The following GRM7 variants were observed in gnomAD, a reference collection of about 807,000 sequenced individuals.
GRM7 encodes metabotropic glutamate receptor 7.
In GRM7, 35 loss-of-function variants were observed where a neutral mutation model predicts 84.5. The observed-to-expected ratio is 0.41, with a 90% CI of 0.32 to 0.55. The LOEUF is 0.55. Ranked by LOEUF, GRM7 falls within the 20% of genes least tolerant of loss-of-function variation. GRM7 has a pLI of 0.19. For synonymous variants in GRM7, 487 were observed against 455.1 expected (o/e 1.07, Z -0.89); for missense variants, 1,003 against 1,194.6 (o/e 0.84, Z 2.36).
intron 1 of GRM7, among the ~76,000 whole-genome samples, chr3:7,118,295 G>A (rs1387016718): frequency 6.6e-6 from 1 of 151,840 alleles, no homozygotes; most frequent in Admixed American, 6.6e-5. Flanking sequence ...GGAGGCTGAG[G>A]TAGGAAGATC....
At chr3:7,093,716 GT>G (rs1409457349) in intron 1 of GRM7, among the ~76,000 whole-genome samples, 19 of 12,728 alleles carry the variant, frequency 1.5e-3, no homozygotes, top group Admixed American at 1.7e-3. Context: ...AAAAAAAAAG[GT>G]AGTTAGTGGC....
intron 2 of GRM7, among the ~76,000 whole-genome samples, chr3:7,175,058 G>C (rs1695100936): frequency 6.6e-6 from 1 of 152,142 alleles, no homozygotes; most frequent in Non-Finnish European, 1.5e-5. Context: ...ACTCCATTGA[G>C]GGCAATAGAA....
intron 7 of GRM7, among the ~76,000 whole-genome samples, chr3:7,564,105 A>T (rs966307452): frequency 7.2e-5 from 11 of 152,202 alleles, no homozygotes; most frequent in Admixed American, 2.0e-4. Context: ...GATGGTCATC[A>T]CTGGGGACAA....
chr3:7,722,183 C>T (rs1287268069), intron 9 of GRM7, among the ~76,000 whole-genome samples: 2 of 152,158 alleles, frequency 1.3e-5, no homozygotes, highest in East Asian at 1.9e-4. Flanking sequence ...CTTGAAAACA[C>T]GTATCAGTGT....
chr3:7,122,108 C>T (rs760134837), intron 1 of GRM7, among the ~76,000 whole-genome samples: 1 of 152,126 alleles, frequency 6.6e-6, no homozygotes, highest in Non-Finnish European at 1.5e-5. Flanking sequence ...TATAAATTAC[C>T]CAGTCTGTGG....
intron 4 of GRM7, among the ~76,000 whole-genome samples, chr3:7,410,653 C>CA (rs199775636): frequency 1.6e-3 from 235 of 145,478 alleles, no homozygotes; most frequent in African/African-American, 5.7e-3. Context: ...AAAACCACCA[C>CA]CACCACACAC....
chr3:7,461,930 T>C (rs1348680968), intron 7 of GRM7, among the ~76,000 whole-genome samples: 2 of 152,178 alleles, frequency 1.3e-5, no homozygotes, highest in Non-Finnish European at 2.9e-5. Context: ...TTGTGCATTA[T>C]ATTCATGACC....
chr3:7,323,522 A>G (rs1700866333), intron 4 of GRM7, among the ~76,000 whole-genome samples: 1 of 152,174 alleles, frequency 6.6e-6, no homozygotes, highest in Non-Finnish European at 1.5e-5. Flanking sequence ...ATATGATATC[A>G]TCAATATAGT....
At chr3:7,339,069 A>G (rs1338987297) in intron 4 of GRM7, among the ~76,000 whole-genome samples, 3 of 152,122 alleles carry the variant, frequency 2.0e-5, no homozygotes, top group Non-Finnish European at 4.4e-5. Context: ...ATATTTAGCA[A>G]TAGTTTGATA....
At chr3:7,668,109 G>C (rs1294732368) in intron 8 of GRM7, among the ~76,000 whole-genome samples, 1 of 152,218 alleles carries the variant, frequency 6.6e-6, no homozygotes, top group Non-Finnish European at 1.5e-5. Flanking sequence ...AGATGGGTTA[G>C]AGAAAATGTA....
intron 2 of GRM7, among the ~76,000 whole-genome samples, chr3:7,284,285 C>CGT (rs138776968): frequency 0.075 from 9,837 of 130,820 alleles, 347 homozygotes; most frequent in Middle Eastern, 0.13. Context: ...CATGCTCACT[C>CGT]GTGTGTGTGT....
intron 7 of GRM7, among the ~76,000 whole-genome samples, chr3:7,551,862 G>T (rs147583202): frequency 3.3e-4 from 51 of 152,280 alleles, no homozygotes; most frequent in African/African-American, 1.2e-3. Context: ...ATTAAGGAAA[G>T]AAGTTTAATT....
chr3:7,443,827 A>C (rs1380364643), intron 5 of GRM7, among the ~76,000 whole-genome samples: 2 of 152,186 alleles, frequency 1.3e-5, no homozygotes, highest in African/African-American at 4.8e-5. Flanking sequence ...GGACTATTCT[A>C]GGGGCAAGAC....
At chr3:7,652,511 T>TGTCA (rs1260421122) in intron 8 of GRM7, among the ~76,000 whole-genome samples, 1 of 152,188 alleles carries the variant, frequency 6.6e-6, no homozygotes, top group Non-Finnish European at 1.5e-5. Flanking sequence ...CCTTCACCTC[T>TGTCA]GTCAGCGTCA....
At chr3:7,314,510 G>C (rs971358204) in intron 4 of GRM7, among the ~76,000 whole-genome samples, 2 of 152,114 alleles carry the variant, frequency 1.3e-5, no homozygotes, top group African/African-American at 4.8e-5. Context: ...AGAGATCTTT[G>C]CTAACGTATG....
At chr3:7,103,728 CTT>C (rs1002322011) in intron 1 of GRM7, among the ~76,000 whole-genome samples, 8 of 148,286 alleles carry the variant, frequency 5.4e-5, no homozygotes, top group East Asian at 2.0e-4. Context: ...TGTTTTCTCT[CTT>C]TTTCTCTTTC....
At chr3:7,467,149 G>A (rs780196442) in intron 7 of GRM7, among the ~76,000 whole-genome samples, 1 of 152,056 alleles carries the variant, frequency 6.6e-6, no homozygotes, top group Non-Finnish European at 1.5e-5. Flanking sequence ...GTGCAGTGGC[G>A]CGATCTTGGC....
intron 2 of GRM7, among the ~76,000 whole-genome samples, chr3:7,186,642 A>G (rs1227902372): frequency 6.6e-6 from 1 of 152,094 alleles, no homozygotes. Flanking sequence ...TATCTAATCT[A>G]TCTATCTTGC....
chr3:7,102,449 A>G (rs756484128), intron 1 of GRM7, among the ~76,000 whole-genome samples: 29 of 151,580 alleles, frequency 1.9e-4, no homozygotes, highest in Non-Finnish European at 3.7e-4. Flanking sequence ...GCTGCTTCCA[A>G]GGTTTTCTCT....
Sources: gnomAD v4.1 joint callset for allele counts (sites outside exome capture counted in the v4.1 genomes callset) on GRCh38, gnomAD v4.1.1 for gene constraint, MANE v1.5 for transcripts, NCBI Gene and HGNC (gene_info 2026-07-23, HGNC 2026-07-21) for gene names.